The following STK32B variants were observed in gnomAD, a reference collection of about 807,000 sequenced individuals.
STK32B encodes serine/threonine kinase 32B.
Under a neutral mutation model 52.6 loss-of-function variants are expected in STK32B, and 43 were observed. That is an observed-to-expected ratio of 0.82 (90% CI 0.64 to 1.05). The LOEUF is 1.05. STK32B is among the 50% of genes least tolerant of loss of function. The pLI, the probability that STK32B is intolerant of heterozygous loss-of-function variation, is 0.00. For synonymous variants in STK32B, 238 were observed against 204.3 expected (o/e 1.17, Z -1.41); for missense variants, 621 against 534.6 (o/e 1.16, Z -1.59).
At chr4:5,310,391 C>T (rs1192272678) in intron 3 of STK32B, among the ~76,000 whole-genome samples, 3 of 152,088 alleles carry the variant, frequency 2.0e-5, no homozygotes, top group African/African-American at 4.8e-5. Flanking sequence ...ACTTAATAGA[C>T]ATTTGTCAAA....
intron 3 of STK32B, among the ~76,000 whole-genome samples, chr4:5,287,049 G>A (rs898487459): frequency 2.6e-5 from 4 of 152,074 alleles, no homozygotes; most frequent in Non-Finnish European, 5.9e-5. Context: ...GCCCACCTCG[G>A]CCTCCCAAAG....
chr4:5,289,473 C>G (rs949680750), intron 3 of STK32B, among the ~76,000 whole-genome samples: 1 of 152,026 alleles, frequency 6.6e-6, no homozygotes, highest in African/African-American at 2.4e-5. Flanking sequence ...GACGGAGTCT[C>G]GCTGTCTCCC....
chr4:5,129,424 GTC>G (rs1469973239), intron 1 of STK32B, among the ~76,000 whole-genome samples: 2 of 152,140 alleles, frequency 1.3e-5, no homozygotes, highest in South Asian at 2.1e-4. Context: ...TAGAGGTTTT[GTC>G]TCTCTTGTTC....
chr4:5,270,220 G>A (rs541944794), intron 3 of STK32B, among the ~76,000 whole-genome samples: 1 of 152,250 alleles, frequency 6.6e-6, no homozygotes, highest in East Asian at 1.9e-4. Flanking sequence ...CACGATTACA[G>A]GTGAGGTCCC....
intron 4 of STK32B, chr4:5,345,563 G>A (rs571941683): frequency 6.6e-6 from 1 of 152,310 alleles, no homozygotes; most frequent in African/African-American, 2.4e-5. Flanking sequence ...GCCTGGTTCT[G>A]TGTTAAATCT....
At chr4:5,282,901 A>G (rs73794518) in intron 3 of STK32B, among the ~76,000 whole-genome samples, 3,085 of 152,222 alleles carry the variant, frequency 0.02, 96 homozygotes, top group African/African-American at 0.063. Context: ...TTTGCAGACC[A>G]CAGTTGACCG....
intron 6 of STK32B, among the ~76,000 whole-genome samples, chr4:5,437,581 T>C (rs938081245): frequency 7.2e-5 from 11 of 152,216 alleles, no homozygotes; most frequent in African/African-American, 2.7e-4. Flanking sequence ...TTTTCAAATA[T>C]GGCCCTATTC....
At chr4:5,302,209 T>A (rs1460630302) in intron 3 of STK32B, among the ~76,000 whole-genome samples, 1 of 138,744 alleles carries the variant, frequency 7.2e-6, no homozygotes, top group South Asian at 2.3e-4. Flanking sequence ...ACAAAAATTG[T>A]AAAAAAAAAA....
At chr4:5,294,923 T>G (rs1729099298) in intron 3 of STK32B, among the ~76,000 whole-genome samples, 1 of 152,150 alleles carries the variant, frequency 6.6e-6, no homozygotes, top group Non-Finnish European at 1.5e-5. Flanking sequence ...CATAAATACC[T>G]CTCATTATTT....
intron 1 of STK32B, among the ~76,000 whole-genome samples, chr4:5,079,034 C>G (rs2108773645): frequency 6.6e-6 from 1 of 152,298 alleles, no homozygotes. Flanking sequence ...TCTCATCACC[C>G]AGAGACAATT....
At chr4:5,365,437 C>A (rs553229717) in intron 4 of STK32B, among the ~76,000 whole-genome samples, 3 of 152,246 alleles carry the variant, frequency 2.0e-5, no homozygotes, top group Admixed American at 6.5e-5. Context: ...GCAATTAGAA[C>A]CTCTAACATT....
At chr4:5,053,024 AC>A (rs1741851782) in intron 1 of STK32B, among the ~76,000 whole-genome samples, 1 of 152,150 alleles carries the variant, frequency 6.6e-6, no homozygotes, top group South Asian at 2.1e-4. Flanking sequence ...TGTCATCATT[AC>A]CCAGGGCACT....
At chr4:5,419,200 G>T (rs1238135097) in intron 6 of STK32B, among the ~76,000 whole-genome samples, 1 of 152,198 alleles carries the variant, frequency 6.6e-6, no homozygotes, top group Non-Finnish European at 1.5e-5. Context: ...TGTGGTTCAG[G>T]ATAGCGTTCC....
At position 5,052,834 on chromosome 4, in the gene STK32B, A is replaced by T. The variant is rs556719741; in HGVS notation, c.52+919A>T. Reference sequence around the variant, plus strand: ...GACTCGCCAGTCTCCACTGTGCCCCAGGTAAGAGCTGAGACATACTGAGCA... The same window carrying T: ...GACTCGCCAGTCTCCACTGTGCCCCTGGTAAGAGCTGAGACATACTGAGCA... On this transcript the variant is annotated intron_variant, in intron 1 of 11. Coordinates refer to ENST00000282908, the MANE Select transcript of STK32B (RefSeq NM_018401.3). 7.2e-5 allele frequency among the ~76,000 whole-genome samples: 11 copies of T among 152,284 alleles called. No homozygotes were observed. In the South Asian group the frequency reaches 2.3e-3, roughly 32 times the overall value.
At chr4:5,413,144 A>C (rs1711848458) in intron 5 of STK32B, among the ~76,000 whole-genome samples, 1 of 152,166 alleles carries the variant, frequency 6.6e-6, no homozygotes, top group Non-Finnish European at 1.5e-5. Flanking sequence ...CATCCTGTTA[A>C]GCCCTATAAC....
At chr4:5,178,100 A>T (rs772408918) in intron 3 of STK32B, among the ~76,000 whole-genome samples, 15 of 152,194 alleles carry the variant, frequency 9.9e-5, no homozygotes, top group Admixed American at 2.6e-4. Context: ...GCATTGCCCT[A>T]GCAGAGGTTC....
At chr4:5,302,451 T>G (rs1187134207) in intron 3 of STK32B, among the ~76,000 whole-genome samples, 1 of 152,154 alleles carries the variant, frequency 6.6e-6, no homozygotes, top group Non-Finnish European at 1.5e-5. Flanking sequence ...TTGTTTTACA[T>G]TGTACATTTA....
At chr4:5,289,799 C>CAT (rs1728778266) in intron 3 of STK32B, among the ~76,000 whole-genome samples, 5 of 149,512 alleles carry the variant, frequency 3.3e-5, no homozygotes, top group Admixed American at 3.3e-4. Context: ...TGCCTCGGCC[C>CAT]CCCAAAGTGC....
intron 6 of STK32B, among the ~76,000 whole-genome samples, chr4:5,440,281 G>A (rs1714592126): frequency 6.6e-6 from 1 of 152,028 alleles, no homozygotes; most frequent in Non-Finnish European, 1.5e-5. Context: ...TTATTTCCTT[G>A]AGCAGTGGCT....
Sources: allele counts gnomAD v4.1 joint callset (sites outside exome capture counted in the v4.1 genomes callset), GRCh38; gene constraint gnomAD v4.1.1; transcripts MANE v1.5; gene names NCBI Gene and HGNC (gene_info 2026-07-23, HGNC 2026-07-21).